The following LONP2 variants were observed in gnomAD, a reference collection of about 807,000 sequenced individuals.
The protein encoded by LONP2 is lon protease homolog 2, peroxisomal.
A neutral mutation model predicts 85.6 loss-of-function variants in LONP2; 60 were observed. The ratio of observed to expected loss-of-function variants is 0.70; its 90% CI spans 0.57 to 0.87. The LOEUF (loss-of-function observed/expected upper bound fraction) is 0.87, where lower values mean the gene tolerates loss of function less well. Among genes scored for constraint, LONP2 ranks in the 40% least tolerant of loss-of-function variants. The probability of loss-of-function intolerance (pLI) is 0.00; values close to 1 mark genes in which losing one functional copy is unlikely to be tolerated. For synonymous variants in LONP2, 395 were observed against 389.7 expected, an observed-to-expected ratio of 1.01 and a Z score of -0.16; for missense variants, 860 against 1,063.5, an observed-to-expected ratio of 0.81 and a Z score of 2.66.
At chr16:48,257,723 T>C (rs1489904499) in intron 3 of LONP2, among the ~76,000 whole-genome samples, 3 of 152,256 alleles carry the variant, frequency 2.0e-5, no homozygotes, top group Non-Finnish European at 4.4e-5. Flanking sequence ...CCAACTGTTA[T>C]AATAGCAAAT....
chr16:48,266,857 A>G (rs1972000182), intron 6 of LONP2, among the ~76,000 whole-genome samples: 1 of 152,108 alleles, frequency 6.6e-6, no homozygotes, highest in Admixed American at 6.6e-5. Context: ...TTGAGAGACC[A>G]AAGTGGACAG....
At chr16:48,275,394 C>G (rs1301843288) in intron 7 of LONP2, among the ~76,000 whole-genome samples, 1 of 152,116 alleles carries the variant, frequency 6.6e-6, no homozygotes, top group East Asian at 1.9e-4. Context: ...AGCTCTATAT[C>G]TAGCCTCTAC....
chr16:48,299,778 A>T lies in LONP2; in HGVS notation c.1651A>T (p.Ile551Phe). The T allele has an allele frequency of 6.2e-7, 1 of 1,610,686 alleles. No homozygotes were observed. Among genetic ancestry groups the T allele is most frequent in the East Asian group, 2.2e-5 (1 of 44,834 alleles). Residue 551 changes from isoleucine (I) to phenylalanine (F), a missense_variant, in exon 10 of 15, where the codon ATC (isoleucine) becomes TTC (phenylalanine). Around this residue, in one of 3 missense-constraint regions of LONP2, gnomAD observed 743 missense variants for 917.3 expected, o/e 0.81. Transcript: ENST00000285737. ...GATACCCCAGGTCACCACTCTTGAC[A>T]TCATCACCAGGTTAGTTAGCCATCC... ...IQIPQVTTLDIITRYTREAGV... is the reference protein window; with the variant it reads ...IQIPQVTTLDFITRYTREAGV...
In LONP2 at chr16:48,252,812, C is replaced by T. The variant is rs1163004761; in HGVS notation, c.468+447C>T. Among the ~76,000 whole-genome samples, 17 of 152,198 alleles carry T rather than the reference C, an allele frequency of 1.1e-4. No homozygotes were observed. In the East Asian group the frequency reaches 3.3e-3, roughly 29 times the overall value. On this transcript the variant is annotated intron_variant, in intron 2 of 14. Coordinates refer to ENST00000285737, the MANE Select transcript of LONP2 (RefSeq NM_031490.5). ...GGGCTGATTTCAAGTATGGTTAAAA[C>T]CTTGATTAACTAGAATGCTGGGAAG...
chr16:48,306,495 G>A (rs920121657), intron 11 of LONP2, among the ~76,000 whole-genome samples: 1 of 152,168 alleles, frequency 6.6e-6, no homozygotes, highest in Admixed American at 6.5e-5. Flanking sequence ...AGATAATATA[G>A]TTAAGCAGAT....
chr16:48,322,917 G>A (rs909891358), intron 11 of LONP2, among the ~76,000 whole-genome samples: 4 of 152,160 alleles, frequency 2.6e-5, no homozygotes, highest in African/African-American at 7.2e-5. Flanking sequence ...TTGCCCTAAC[G>A]GGGCTACAAC....
chr16:48,335,582 T>C (rs1478289402), intron 12 of LONP2, among the ~76,000 whole-genome samples: 1 of 152,228 alleles, frequency 6.6e-6, no homozygotes, highest in Non-Finnish European at 1.5e-5. Flanking sequence ...CACCTCCTTA[T>C]CAGTTTAAGG....
chr16:48,312,004 G>A (rs1175176555), intron 11 of LONP2, among the ~76,000 whole-genome samples: 3 of 151,600 alleles, frequency 2.0e-5, no homozygotes, highest in East Asian at 1.9e-4. Context: ...GCAGTGGCAC[G>A]ATCTCGGCTC....
chr16:48,248,723 A>T (rs1389747495), intron 1 of LONP2, among the ~76,000 whole-genome samples: 1 of 151,994 alleles, frequency 6.6e-6, no homozygotes, highest in Non-Finnish European at 1.5e-5. Flanking sequence ...GAGTAAAAAA[A>T]TTTTTTAAAA....
chr16:48,344,389 A>G (rs1959903283), intron 12 of LONP2: 1 of 152,206 alleles, frequency 6.6e-6, no homozygotes, highest in East Asian at 1.9e-4. Flanking sequence ...ATAGATGTTA[A>G]GTTACACAGA....
chr16:48,286,317 A>AT (rs918238627), intron 8 of LONP2, among the ~76,000 whole-genome samples: 2 of 151,190 alleles, frequency 1.3e-5, no homozygotes, highest in African/African-American at 4.9e-5. Context: ...AATTTTTTGT[A>AT]TTTTTAGTAG....
At chr16:48,316,984 T>C (rs1305757531) in intron 11 of LONP2, among the ~76,000 whole-genome samples, 4 of 152,198 alleles carry the variant, frequency 2.6e-5, no homozygotes, top group Non-Finnish European at 1.5e-5. Context: ...CTCTGTCCTG[T>C]CAAGGCTGAG....
At chr16:48,267,166 C>A (rs986167731) in intron 6 of LONP2, among the ~76,000 whole-genome samples, 1 of 152,070 alleles carries the variant, frequency 6.6e-6, no homozygotes, top group Admixed American at 6.6e-5. Flanking sequence ...CATTGTTTAG[C>A]ATTGCACATA....
Position 48,306,087 on chromosome 16 carries a change from A to T in LONP2, c.1795+2782A>T, listed in dbSNP as rs928723324. On this transcript the variant is annotated intron_variant, in intron 11 of 14. Coordinates refer to ENST00000285737, the MANE Select transcript of LONP2 (RefSeq NM_031490.5). ...CCTGAATTTCCCCTTTTTATTCTTA[A>T]CAACACTTCCTTTGTGCTGTGATCT... is the stretch of plus-strand genomic sequence containing the variant. Among the ~76,000 whole-genome samples, 14 of 152,256 alleles carry T rather than the reference A, an allele frequency of 9.2e-5. No individual in the cohort carries two copies. In the East Asian group the frequency reaches 2.7e-3, roughly 29 times the overall value.
chr16:48,300,991 T>A (rs1222748670), intron 10 of LONP2, among the ~76,000 whole-genome samples: 4 of 152,224 alleles, frequency 2.6e-5, no homozygotes, highest in Non-Finnish European at 5.9e-5. Context: ...TTTCTTTTTT[T>A]ATGTATACTT....
chr16:48,360,382 T>C (rs1324306092), downstream of LONP2: 1 of 136,420 alleles, frequency 7.3e-6, no homozygotes, highest in African/African-American at 3.3e-5. Flanking sequence ...AGAGGCCATA[T>C]ACCCAGTTAT....
intron 8 of LONP2, among the ~76,000 whole-genome samples, chr16:48,290,897 G>A (rs1447163969): frequency 1.3e-5 from 2 of 152,138 alleles, no homozygotes; most frequent in African/African-American, 4.8e-5. Context: ...ATCATGCCTT[G>A]GTCTTTCCTG....
rs778540117 is a variant in LONP2, at chr16:48,353,218, A to C, written c.*1416A>C. On this transcript the variant is annotated 3_prime_UTR_variant, in exon 15 of 15. Transcript: ENST00000285737. ...TTTGGAATTTCCTGGATGAGAAGGAAGTCTGGGCTGGGCATGGTGGCTCAC... is the reference window on the plus strand; with the variant it reads ...TTTGGAATTTCCTGGATGAGAAGGACGTCTGGGCTGGGCATGGTGGCTCAC... 4 of 152,072 alleles carry C rather than the reference A, an allele frequency of 2.6e-5. No homozygotes were observed. Among genetic ancestry groups the C allele is most frequent in the Non-Finnish European group, 5.9e-5 (4 of 67,972 alleles). The allele number at this position is 152,072 out of a possible 1,614,324, so 9.4% of individuals were successfully genotyped here. A position where few individuals can be genotyped will look rare whatever the true frequency, so the allele number is the denominator to read the frequency against.
intron 11 of LONP2, among the ~76,000 whole-genome samples, chr16:48,306,622 T>C (rs1354057184): frequency 6.6e-6 from 1 of 152,182 alleles, no homozygotes; most frequent in Non-Finnish European, 1.5e-5. Context: ...GACTCCAAGT[T>C]GGCTCTAATA....
Sources: gnomAD v4.1 joint callset for allele counts (sites outside exome capture counted in the v4.1 genomes callset) on GRCh38, gnomAD v4.1.1 for gene constraint, gnomAD v4.1.1 regional missense constraint, MANE v1.5 for transcripts, NCBI Gene and HGNC (gene_info 2026-07-23, HGNC 2026-07-21) for gene names.